Variants in SH3RF2 observed in about 807,000 individuals in gnomAD.
SH3RF2 encodes the protein SH3 domain containing ring finger 2, also known as E3 ubiquitin-protein ligase SH3RF2.
In SH3RF2, 43 loss-of-function variants were observed where a neutral mutation model predicts 59.0. That is an observed-to-expected ratio of 0.73 (90% CI 0.57 to 0.94). The LOEUF (loss-of-function observed/expected upper bound fraction) is 0.94. Among genes scored for constraint, SH3RF2 ranks in the 40% least tolerant of loss-of-function variants. The pLI, the probability that SH3RF2 is intolerant of heterozygous loss-of-function variation, is 0.00. For missense variants in SH3RF2, 930 were observed against 940.1 expected (o/e 0.99, Z 0.14); for synonymous variants, 391 against 391.5 (o/e 1.00, Z 0.01).
chr5:146,008,552 A>G (rs958513829), intron 4 of SH3RF2, among the ~76,000 whole-genome samples: 3 of 152,136 alleles, frequency 2.0e-5, no homozygotes, highest in African/African-American at 7.2e-5. Context: ...TTGCCTAAAC[A>G]ATTTCAATAA....
intron 2 of SH3RF2, among the ~76,000 whole-genome samples, chr5:145,986,435 T>C (rs1189071156): frequency 1.3e-5 from 2 of 152,100 alleles, no homozygotes; most frequent in Non-Finnish European, 2.9e-5. Context: ...GCCACACCTA[T>C]TGGAAAAGCT....
chr5:146,010,124 C>G (rs191367431), intron 4 of SH3RF2, among the ~76,000 whole-genome samples: 1 of 151,714 alleles, frequency 6.6e-6, no homozygotes, highest in Non-Finnish European at 1.5e-5. Flanking sequence ...TGAGAACATG[C>G]GGTGTTTGGT....
At chr5:146,022,460 C>A (rs1481870475) in intron 5 of SH3RF2, among the ~76,000 whole-genome samples, 1 of 152,156 alleles carries the variant, frequency 6.6e-6, no homozygotes, top group Non-Finnish European at 1.5e-5. Context: ...GCCCACCTTG[C>A]CTCTTGGATT....
intron 2 of SH3RF2, among the ~76,000 whole-genome samples, chr5:145,949,282 C>T (rs1041325442): frequency 6.6e-6 from 1 of 152,186 alleles, no homozygotes; most frequent in African/African-American, 2.4e-5. Context: ...CTGAGCAGGT[C>T]ACCCTGGTTT....
chr5:145,939,992 A>T lies in SH3RF2; in HGVS notation c.378+1686A>T, dbSNP rs147453068. ...GCAAAGGACAGGTAGCGATGAATGG[A>T]TCCACAGCTACCAAGTTTTTGAACT... is the stretch of plus-strand genomic sequence containing the variant. On this transcript the variant is annotated intron_variant, in intron 2 of 9. Transcript: ENST00000359120. 5.3e-5 allele frequency among the ~76,000 whole-genome samples: 8 copies of T among 152,300 alleles called. No individual in the cohort carries two copies. The East Asian group carries it at 1.5e-3, about 29-fold the overall frequency.
At chr5:146,051,738 G>A (rs1762505375) in intron 7 of SH3RF2, among the ~76,000 whole-genome samples, 2 of 152,172 alleles carry the variant, frequency 1.3e-5, no homozygotes, top group Admixed American at 6.5e-5. Flanking sequence ...CCAAGTAAAG[G>A]TGTTGGTAAG....
chr5:146,002,310 G>A (rs997812265), intron 3 of SH3RF2, among the ~76,000 whole-genome samples: 1 of 152,108 alleles, frequency 6.6e-6, no homozygotes, highest in African/African-American at 2.4e-5. Context: ...AATTAGTCAG[G>A]CGTGGTTGCG....
intron 2 of SH3RF2, among the ~76,000 whole-genome samples, chr5:145,994,612 G>A (rs920387369): frequency 1.3e-5 from 2 of 152,164 alleles, no homozygotes; most frequent in African/African-American, 4.8e-5. Flanking sequence ...CAGATCTCAT[G>A]AGACTTTTAT....
At chr5:146,064,666 G>A (rs71592186), downstream of SH3RF2, among the ~76,000 whole-genome samples, 20,903 of 29,330 alleles carry the variant, frequency 0.71, 7,252 homozygotes, top group Non-Finnish European at 0.75. Context: ...GAGAGAAAGA[G>A]AAAGAAAGAA....
At chr5:146,075,321 C>T (rs1481151524) in intron 9 of SH3RF2, among the ~76,000 whole-genome samples, 1 of 152,216 alleles carries the variant, frequency 6.6e-6, no homozygotes, top group Non-Finnish European at 1.5e-5. Context: ...TTATATCAAA[C>T]ATCGACTTAT....
Position 146,024,663 on chromosome 5 carries a change from C to G in SH3RF2, c.1059+10602C>G, listed in dbSNP as rs368607020. On this transcript the variant is annotated intron_variant, in intron 5 of 9. Transcript: ENST00000359120. ...TAAGTATTTATCACTGCATTTTTTT[C>G]TAAGAGCTTACAGTTTTTACTCTAA... is the stretch of plus-strand genomic sequence containing the variant. Among the ~76,000 whole-genome samples the G allele has an allele frequency of 8.6e-5, 13 of 152,006 alleles. 1 individual carries two copies. In the East Asian group the frequency reaches 2.1e-3, roughly 25 times the overall value.
intron 2 of SH3RF2, among the ~76,000 whole-genome samples, chr5:145,964,115 A>G (rs1242975781): frequency 6.6e-6 from 1 of 151,730 alleles, no homozygotes; most frequent in Non-Finnish European, 1.5e-5. Flanking sequence ...TACAGGTGTA[A>G]GCCACCGTGC....
chr5:145,950,738 G>A (rs968735787), intron 2 of SH3RF2, among the ~76,000 whole-genome samples: 1 of 152,190 alleles, frequency 6.6e-6, no homozygotes, highest in African/African-American at 2.4e-5. Context: ...ACAAGCTCTG[G>A]TCCAGAACTG....
chr5:146,018,351 G>T (rs1250971881), intron 5 of SH3RF2, among the ~76,000 whole-genome samples: 2 of 151,980 alleles, frequency 1.3e-5, no homozygotes, highest in Admixed American at 6.6e-5. Flanking sequence ...ATGCAATATT[G>T]GTTTTCCATT....
intron 2 of SH3RF2, among the ~76,000 whole-genome samples, chr5:145,959,758 G>T (rs1304955156): frequency 6.6e-6 from 1 of 151,766 alleles, no homozygotes; most frequent in Non-Finnish European, 1.5e-5. Flanking sequence ...CTGGTTTGAG[G>T]CCACCTTGCA....
intron 2 of SH3RF2, among the ~76,000 whole-genome samples, chr5:145,943,714 T>TTGTTTC (rs1220980986): frequency 6.6e-6 from 1 of 151,906 alleles, no homozygotes; most frequent in African/African-American, 2.4e-5. Context: ...GTTTTTGTTT[T>TTGTTTC]TGTTTTTGTT....
exon 10 of SH3RF2, chr5:146,079,381 C>T (rs1408236209): frequency 1.3e-5 from 2 of 152,244 alleles, no homozygotes; most frequent in East Asian, 1.9e-4. Context: ...TTCATATATA[C>T]CGTGATGTTA....
At chr5:146,069,516 A>G (rs980575371) in intron 9 of SH3RF2, among the ~76,000 whole-genome samples, 1 of 138,630 alleles carries the variant, frequency 7.2e-6, no homozygotes. Context: ...GCTGCTATCA[A>G]TCTTTTAATA....
At chr5:146,035,352 A>G (rs1761894370) in intron 5 of SH3RF2, among the ~76,000 whole-genome samples, 2 of 131,910 alleles carry the variant, frequency 1.5e-5, no homozygotes, top group Admixed American at 1.5e-4. Context: ...TTTTTAATTA[A>G]CTTTTTTTTT....
Sources: gnomAD v4.1 joint callset for allele counts (sites outside exome capture counted in the v4.1 genomes callset) on GRCh38, gnomAD v4.1.1 for gene constraint, MANE v1.5 for transcripts, NCBI Gene and HGNC (gene_info 2026-07-23, HGNC 2026-07-21) for gene names.